The following INSC variants were observed in gnomAD, a reference collection of about 807,000 sequenced individuals.
INSC encodes the protein protein inscuteable homolog.
Under a neutral mutation model 58.6 loss-of-function variants are expected in INSC, and 67 were observed. That is an observed-to-expected ratio of 1.14 (90% confidence interval 0.94 to 1.40). The LOEUF (loss-of-function observed/expected upper bound fraction) is 1.40, where lower values mean the gene tolerates loss of function less well. INSC is among the 40% of genes most tolerant of loss of function. The probability of loss-of-function intolerance (pLI) is 0.00; values close to 1 mark genes in which losing one functional copy is unlikely to be tolerated. For synonymous variants in INSC, 262 were observed against 276.1 expected, an observed-to-expected ratio of 0.95 and a Z score of 0.51; for missense variants, 714 against 692.0, an observed-to-expected ratio of 1.03 and a Z score of -0.36.
chr11:15,176,639 G>A (rs1849583319), intron 3 of INSC, among the ~76,000 whole-genome samples: 3 of 152,126 alleles, frequency 2.0e-5, no homozygotes, highest in South Asian at 2.1e-4. Context: ...AGTGAATGGT[G>A]TAATAAGTAG....
intron 2 of INSC, among the ~76,000 whole-genome samples, chr11:15,168,058 T>C (rs1005676521): frequency 6.6e-6 from 1 of 152,182 alleles, no homozygotes; most frequent in Non-Finnish European, 1.5e-5. Flanking sequence ...GTCCTCCCCA[T>C]CTGCCTATGT....
At chr11:15,196,110 T>C (rs894668834) in intron 6 of INSC, among the ~76,000 whole-genome samples, 6 of 151,896 alleles carry the variant, frequency 4.0e-5, no homozygotes, top group Non-Finnish European at 5.9e-5. Flanking sequence ...TGACCAGGAG[T>C]TGTTTAAAGA....
intron 1 of INSC, among the ~76,000 whole-genome samples, chr11:15,120,825 T>C (rs2133684874): frequency 6.6e-6 from 1 of 152,330 alleles, no homozygotes; most frequent in African/African-American, 2.4e-5. Flanking sequence ...CCTATTTTTA[T>C]GTCACTCTAA....
chr11:15,154,665 G>A (rs148989560), intron 2 of INSC, among the ~76,000 whole-genome samples: 13 of 152,308 alleles, frequency 8.5e-5, no homozygotes, highest in African/African-American at 3.1e-4. Flanking sequence ...GATATTCTGT[G>A]TGTTCTTGGA....
chr11:15,171,857 G>A (rs1397073020), intron 2 of INSC, among the ~76,000 whole-genome samples: 1 of 152,136 alleles, frequency 6.6e-6, no homozygotes, highest in Non-Finnish European at 1.5e-5. Context: ...ATGAACCTTG[G>A]TTCTACGTTT....
intron 1 of INSC, among the ~76,000 whole-genome samples, chr11:15,136,374 G>A (rs1426492793): frequency 1.3e-5 from 2 of 152,092 alleles, no homozygotes; most frequent in Non-Finnish European, 2.9e-5. Flanking sequence ...TGGTTGCTAA[G>A]GTTGGGGTTG....
chr11:15,241,938 T>TTTG (rs1462984481), intron 12 of INSC, among the ~76,000 whole-genome samples: 1 of 152,220 alleles, frequency 6.6e-6, no homozygotes, highest in African/African-American at 2.4e-5. Flanking sequence ...TGTGAAAGTA[T>TTTG]TTGTAATTTC....
At chr11:15,225,087 T>G (rs1851581695) in intron 8 of INSC, among the ~76,000 whole-genome samples, 1 of 152,178 alleles carries the variant, frequency 6.6e-6, no homozygotes, top group African/African-American at 2.4e-5. Flanking sequence ...AGGCTTTGTA[T>G]CTCCTTTTCC....
chr11:15,259,442 CTAT>C, the INSC span, among the ~76,000 whole-genome samples: 7 of 152,100 alleles, frequency 4.6e-5, no homozygotes, highest in African/African-American at 1.7e-4. Context: ...CAAAAAGGAA[CTAT>C]TATGACAAAA....
rs2133990682 is a variant in INSC, at chr11:15,246,092, T to C, written c.*52T>C. 1 of 1,607,028 alleles carries C rather than the reference T, an allele frequency of 6.2e-7. No homozygotes were observed. Among genetic ancestry groups the C allele is most frequent in the Non-Finnish European group, 8.5e-7 (1 of 1,174,410 alleles). On this transcript the variant is annotated 3_prime_UTR_variant, in exon 13 of 13. Coordinates refer to ENST00000379556, the MANE Select transcript of INSC (RefSeq NM_001042536.3). ...GCTGTTCTCACACCCCCTCTGACTA[T>C]GCACCAGTGAACACATCTGAGTACA...
chr11:15,242,505 A>G (rs1183993587), intron 12 of INSC, among the ~76,000 whole-genome samples: 1 of 151,966 alleles, frequency 6.6e-6, no homozygotes, highest in African/African-American at 2.4e-5. Context: ...GTGGTTCCTC[A>G]TTATCTCTGG....
chr11:15,167,932 C>A (rs955497081), intron 2 of INSC, among the ~76,000 whole-genome samples: 20 of 152,086 alleles, frequency 1.3e-4, no homozygotes, highest in African/African-American at 4.3e-4. Context: ...TATATCTTGG[C>A]GGCTCATGAT....
intron 7 of INSC, among the ~76,000 whole-genome samples, chr11:15,206,398 C>T (rs1400272363): frequency 2.6e-5 from 4 of 151,648 alleles, no homozygotes; most frequent in Non-Finnish European, 5.9e-5. Context: ...CAGGGAGCCA[C>T]CCCAGCAGGG....
chr11:15,119,334 T>C (rs1847811219), intron 1 of INSC, among the ~76,000 whole-genome samples: 1 of 152,194 alleles, frequency 6.6e-6, no homozygotes, highest in Admixed American at 6.5e-5. Flanking sequence ...GTTGAACTTC[T>C]GTGCCTTCAC....
rs576299611 is a variant in INSC at position 15,187,492 on chromosome 11, A to C, written c.580-3209A>C. On this transcript the variant is annotated intron_variant, in intron 5 of 12. Coordinates refer to ENST00000379556, the MANE Select transcript of INSC (RefSeq NM_001042536.3). ...CCAAAACTTTAGGGAGAGGTCTCAC[A>C]ATATTTTCCTGGCTCCTTCTGAGGA... 3.9e-5 allele frequency among the ~76,000 whole-genome samples: 6 copies of C among 152,296 alleles called. No individual in the cohort carries two copies. The South Asian group carries it at 6.2e-4, about 16-fold the overall frequency.
chr11:15,240,825 G>A (rs1157752141), intron 12 of INSC, among the ~76,000 whole-genome samples: 1 of 152,192 alleles, frequency 6.6e-6, no homozygotes, highest in Non-Finnish European at 1.5e-5. Context: ...AACGCTAGCT[G>A]GTCGTGTCTA....
intron 2 of INSC, among the ~76,000 whole-genome samples, chr11:15,152,938 A>G (rs1423473918): frequency 6.6e-6 from 1 of 152,224 alleles, no homozygotes; most frequent in Non-Finnish European, 1.5e-5. Context: ...GTGTTTCTAT[A>G]TGGTGCTTAA....
chr11:15,117,612 T>A (rs910183873), intron 1 of INSC, among the ~76,000 whole-genome samples: 9 of 152,204 alleles, frequency 5.9e-5, no homozygotes, highest in African/African-American at 2.2e-4. Context: ...GAATACATAT[T>A]TTTAACTGTA....
chr11:15,186,293 C>G (rs890278553), intron 5 of INSC, among the ~76,000 whole-genome samples: 1 of 151,316 alleles, frequency 6.6e-6, no homozygotes, highest in Non-Finnish European at 1.5e-5. Flanking sequence ...TGTTCTCTTT[C>G]CCTCTGTTAA....
Sources: gnomAD v4.1 joint callset for allele counts (sites outside exome capture counted in the v4.1 genomes callset) on GRCh38, gnomAD v4.1.1 for gene constraint, MANE v1.5 for transcripts, NCBI Gene and HGNC (gene_info 2026-07-23, HGNC 2026-07-21) for gene names.